The following ASS1 variants were observed in gnomAD, a reference collection of about 807,000 sequenced individuals.
ASS1 encodes argininosuccinate synthase 1, also known as argininosuccinate synthase.
In ASS1, 58 loss-of-function variants were observed where a neutral mutation model predicts 60.5. The ratio of observed to expected loss-of-function variants is 0.96; its 90% CI spans 0.78 to 1.19. The LOEUF is 1.19. ASS1 is among the 50% of genes most tolerant of loss of function. ASS1 has a pLI of 0.00. For synonymous variants in ASS1, 200 were observed against 206.9 expected, an observed-to-expected ratio of 0.97 and a Z score of 0.29; for missense variants, 454 against 547.3, an observed-to-expected ratio of 0.83 and a Z score of 1.70.
chr9:130,471,714 A>T (rs1440062066), intron 8 of ASS1, among the ~76,000 whole-genome samples, 199 bp downstream of exon 8: 1 of 149,148 alleles, frequency 6.7e-6, no homozygotes, highest in Non-Finnish European at 1.5e-5. Flanking sequence ...GCATTTGAAG[A>T]CCTCCCCCCG....
intron 13 of ASS1, among the ~76,000 whole-genome samples, chr9:130,498,559 G>A (rs1028224949): frequency 6.6e-6 from 1 of 152,230 alleles, no homozygotes; most frequent in African/African-American, 2.4e-5. Flanking sequence ...CTTAATAAAT[G>A]CCTGAACAAA....
chr9:130,489,498 GC>G lies in ASS1; in HGVS notation c.970+36del. The G allele has an allele frequency of 6.2e-7, 1 of 1,613,662 alleles. No homozygotes were observed. The highest frequency in any genetic ancestry group is 8.5e-7 in the Non-Finnish European group (1 of 1,179,854). On this transcript the variant is annotated intron_variant, in intron 12 of 14. Coordinates refer to ENST00000352480, the MANE Select transcript of ASS1 (RefSeq NM_054012.4). The surrounding 1 kb of genome is among the most constrained non-coding windows in gnomAD (Gnocchi z 4.1). ...GACTCTATGGCTGCCCCCTCTAACC[GC>G]CTCACAAGGGATCCCAAAGTACTAT...
In ASS1 at chr9:130,476,895, A is replaced by T; in HGVS notation, c.622A>T (p.Thr208Ser). The T allele has an allele frequency of 6.2e-7, 1 of 1,614,032 alleles. No individual in the cohort carries two copies. The highest frequency in any genetic ancestry group is 8.5e-7 in the Non-Finnish European group (1 of 1,180,002). Reference protein sequence around the residue: ...PKNQAPPGLYTKTQDPAKAPN... With the variant: ...PKNQAPPGLYSKTQDPAKAPN... ...GAACCAAGCGCCTCCAGGTCTCTAC[A>T]CGAAGACCCAGGACCCAGCCAAAGC... The change falls in exon 9 of 15, where the codon ACG becomes TCG. Residue 208 changes from threonine (T) to serine (S), a missense_variant. Transcript: ENST00000352480. This position sits in a 1 kb window ranked among gnomAD's most constrained non-coding sequence, Gnocchi z 4.9.
chr9:130,458,760 G>A (rs1564904149), intron 4 of ASS1, among the ~76,000 whole-genome samples, 171 bp downstream of exon 4: 2 of 152,362 alleles, frequency 1.3e-5, no homozygotes, highest in South Asian at 2.1e-4. Context: ...TCGCCCCTGC[G>A]CTCTGTGCAC....
At chr9:130,475,418 G>A (rs1247008484) in intron 8 of ASS1, among the ~76,000 whole-genome samples, 5 of 152,212 alleles carry the variant, frequency 3.3e-5, no homozygotes, top group Admixed American at 6.5e-5. Context: ...TTTTACAGAT[G>A]AGGAAACTGA....
intron 4 of ASS1, 143 bp from the exon 5 acceptor site, chr9:130,463,968 C>T (rs117078836): frequency 2.9e-5 from 24 of 840,102 alleles, no homozygotes; most frequent in East Asian, 1.6e-4. Flanking sequence ...CACACATACA[C>T]GACCTACACT....
chr9:130,447,144 C>G lies in ASS1; in HGVS notation c.-6+2149C>G, dbSNP rs1359889359. ...GAAATAGTGGGCAGGTTGGCCATGACTCACTGGGGGGCTGGTTTTCTGGAA... is the reference window on the plus strand; with the variant it reads ...GAAATAGTGGGCAGGTTGGCCATGAGTCACTGGGGGGCTGGTTTTCTGGAA... On this transcript the variant is annotated intron_variant, in intron 1 of 14. Coordinates refer to ENST00000352480, the MANE Select transcript of ASS1 (RefSeq NM_054012.4). Among the ~76,000 whole-genome samples the G allele has an allele frequency of 2.6e-5, 4 of 152,318 alleles. No homozygotes were observed. In the East Asian group the frequency reaches 7.7e-4, roughly 29 times the overall value.
intron 4 of ASS1, among the ~76,000 whole-genome samples, chr9:130,463,768 C>A (rs1446477292): frequency 6.6e-6 from 1 of 152,160 alleles, no homozygotes; most frequent in Non-Finnish European, 1.5e-5. Flanking sequence ...ATGTGGGGGC[C>A]TTGAGGAAGA....
Position 130,478,992 on chromosome 9 carries a change from C to A in ASS1, c.689-724C>A, listed in dbSNP as rs1426973136. The stretch of plus-strand genomic sequence containing the variant: ...TAGCCGCCAACTTTGAACAGCTTTT[C>A]TTTGTCACTGTTTCAGCTCTCTTGT... On this transcript the variant is annotated intron_variant, in intron 9 of 14. Coordinates refer to ENST00000352480, the MANE Select transcript of ASS1 (RefSeq NM_054012.4). The surrounding 1 kb of genome is among the most constrained non-coding windows in gnomAD (Gnocchi z 4.7). 6.6e-6 allele frequency among the ~76,000 whole-genome samples: 1 copy of A among 152,300 alleles called. No homozygotes were observed. Among genetic ancestry groups the A allele is most frequent in the East Asian group, 1.9e-4 (1 of 5,174 alleles).
At chr9:130,487,127 G>T (rs1169465541) in intron 11 of ASS1, among the ~76,000 whole-genome samples, 3 of 152,228 alleles carry the variant, frequency 2.0e-5, no homozygotes, top group Admixed American at 2.0e-4. Flanking sequence ...AGGGGCCTCT[G>T]TTCCTCCCAG....
At chr9:130,473,964 C>T (rs867159801) in intron 8 of ASS1, among the ~76,000 whole-genome samples, 40 of 151,656 alleles carry the variant, frequency 2.6e-4, no homozygotes, top group African/African-American at 9.7e-4. Flanking sequence ...CCAATTTCTC[C>T]TTCTCGGGGC....
chr9:130,448,389 C>T (rs1333359863), intron 1 of ASS1, among the ~76,000 whole-genome samples: 3 of 150,330 alleles, frequency 2.0e-5, no homozygotes, highest in Non-Finnish European at 3.0e-5. Flanking sequence ...CTCTCAGGTA[C>T]GCACCCCTGG....
At chr9:130,465,056 A>ATTTTTTTTTTT (rs796874986) in intron 5 of ASS1, among the ~76,000 whole-genome samples, 1 of 120,150 alleles carries the variant, frequency 8.3e-6, no homozygotes, top group African/African-American at 3.6e-5. Flanking sequence ...ATATATATAT[A>ATTTTTTTTTTT]TTTTTTTTTT....
rs557773738 is a variant in ASS1, at chr9:130,477,845, A to C, written c.688+884A>C. ...AGTGGCTGCCCACACTGGAGCTGGGATGAGAGGGAGAGAGGCTCGTGGAGA... is the reference window on the plus strand; with the variant it reads ...AGTGGCTGCCCACACTGGAGCTGGGCTGAGAGGGAGAGAGGCTCGTGGAGA... On this transcript the variant is annotated intron_variant, in intron 9 of 14. Coordinates refer to ENST00000352480, the MANE Select transcript of ASS1 (RefSeq NM_054012.4). This position sits in a 1 kb window ranked among gnomAD's most constrained non-coding sequence, Gnocchi z 4.2. Among the ~76,000 whole-genome samples the C allele has an allele frequency of 6.6e-6, 1 of 152,258 alleles. No homozygotes were observed. Among genetic ancestry groups the C allele is most frequent in the East Asian group, 1.9e-4 (1 of 5,160 alleles).
At chr9:130,482,857 G>T (rs991893434) in intron 11 of ASS1, among the ~76,000 whole-genome samples, 3 of 152,184 alleles carry the variant, frequency 2.0e-5, no homozygotes, top group Non-Finnish European at 4.4e-5. Context: ...GCTGTTGGAG[G>T]CTCTCCCCAA....
At chr9:130,492,650 G>A (rs1345441558) in intron 12 of ASS1, among the ~76,000 whole-genome samples, 1 of 152,158 alleles carries the variant, frequency 6.6e-6, no homozygotes, top group Admixed American at 6.5e-5. Context: ...TCATCTAGGG[G>A]GTATAGCTCA....
chr9:130,472,619 CT>C (rs1286343659), intron 8 of ASS1, among the ~76,000 whole-genome samples: 1 of 152,200 alleles, frequency 6.6e-6, no homozygotes, highest in African/African-American at 2.4e-5. Flanking sequence ...CTGTCCAAAC[CT>C]GTCACTCAGG....
chr9:130,462,965 C>T (rs1483232674), intron 4 of ASS1, among the ~76,000 whole-genome samples: 1 of 152,198 alleles, frequency 6.6e-6, no homozygotes, highest in Non-Finnish European at 1.5e-5. Flanking sequence ...TAAAAATCCC[C>T]CTGGCCCTGG....
chr9:130,499,489 T>G lies in ASS1; in HGVS notation c.1128-16T>G. The G allele has an allele frequency of 6.2e-7, 1 of 1,612,794 alleles. No individual in the cohort carries two copies. Among genetic ancestry groups the G allele is most frequent in the South Asian group, 1.1e-5 (1 of 90,580 alleles). On this transcript the variant is annotated splice_polypyrimidine_tract_variant and intron_variant, in intron 13 of 14. Transcript: ENST00000352480. ...CAGGGCCAGGCTGAGCTGACAAGCTTCTACTCTCCTTGCAGCATGAACGTG... is the reference window on the plus strand; with the variant it reads ...CAGGGCCAGGCTGAGCTGACAAGCTGCTACTCTCCTTGCAGCATGAACGTG...
Sources: allele counts gnomAD v4.1 joint callset (sites outside exome capture counted in the v4.1 genomes callset), GRCh38; gene constraint gnomAD v4.1.1; non-coding constraint Gnocchi (gnomAD v3.1); transcripts MANE v1.5; gene names NCBI Gene and HGNC (gene_info 2026-07-23, HGNC 2026-07-21).